Variants in PLEKHH2 observed in about 807,000 individuals in gnomAD.
PLEKHH2 encodes the protein pleckstrin homology, MyTH4 and FERM domain containing H2.
Under a neutral mutation model 187.9 loss-of-function variants are expected in PLEKHH2, and 129 were observed. The ratio of observed to expected loss-of-function variants is 0.69; its 90% CI spans 0.59 to 0.79. PLEKHH2 has a LOEUF of 0.79. PLEKHH2 is among the 30% of genes least tolerant of loss of function. PLEKHH2 has a pLI of 0.00. For missense variants in PLEKHH2, 2,076 were observed against 1,751.2 expected, an observed-to-expected ratio of 1.19 and a Z score of -3.31; for synonymous variants, 686 against 605.6, an observed-to-expected ratio of 1.13 and a Z score of -1.95.
At chr2:43,748,790 C>T (rs1055157036) in intron 24 of PLEKHH2, among the ~76,000 whole-genome samples, 1 of 151,958 alleles carries the variant, frequency 6.6e-6, no homozygotes, top group African/African-American at 2.4e-5. Context: ...GAACTTCACC[C>T]TTGCTGCCCA....
chr2:43,719,914 T>C (rs1378110806), intron 15 of PLEKHH2, among the ~76,000 whole-genome samples: 1 of 152,128 alleles, frequency 6.6e-6, no homozygotes, highest in Non-Finnish European at 1.5e-5. Flanking sequence ...CATTAGAGTG[T>C]TAACCTAGAG....
At chr2:43,683,148 T>TG (rs1668306165) in intron 3 of PLEKHH2, among the ~76,000 whole-genome samples, 1 of 146,162 alleles carries the variant, frequency 6.8e-6, no homozygotes, top group Non-Finnish European at 1.5e-5. Flanking sequence ...TACCCTTTTT[T>TG]TTTTTTTTTT....
intron 16 of PLEKHH2, among the ~76,000 whole-genome samples, chr2:43,725,273 T>A (rs1444201112): frequency 1.3e-5 from 2 of 152,180 alleles, no homozygotes; most frequent in African/African-American, 4.8e-5. Flanking sequence ...TTTGTTGCCA[T>A]CTTCTTGCAG....
chr2:43,643,118 T>A (rs1034489369), intron 1 of PLEKHH2, among the ~76,000 whole-genome samples: 2 of 152,142 alleles, frequency 1.3e-5, no homozygotes, highest in African/African-American at 4.8e-5. Flanking sequence ...CTGCATTATC[T>A]ACTCCTAAAT....
intron 1 of PLEKHH2, among the ~76,000 whole-genome samples, chr2:43,644,418 G>C (rs1666090019): frequency 6.8e-6 from 1 of 146,552 alleles, no homozygotes; most frequent in South Asian, 2.2e-4. Flanking sequence ...GCTAAACTGA[G>C]ACATAGAAAG....
At chr2:43,689,511 G>C (rs1438203220) in intron 3 of PLEKHH2, among the ~76,000 whole-genome samples, 2 of 152,184 alleles carry the variant, frequency 1.3e-5, no homozygotes, top group Non-Finnish European at 2.9e-5. Context: ...TTTCCATATG[G>C]TTGTGGTGAG....
At chr2:43,745,270 C>G (rs977142196) in intron 23 of PLEKHH2, among the ~76,000 whole-genome samples, 1 of 152,086 alleles carries the variant, frequency 6.6e-6, no homozygotes, top group African/African-American at 2.4e-5. Flanking sequence ...GAGCTGAGAT[C>G]GTGCCACTGT....
chr2:43,675,542 G>A (rs915987481), intron 2 of PLEKHH2: 4 of 1,613,862 alleles, frequency 2.5e-6, no homozygotes, highest in African/African-American at 2.7e-5. Context: ...ACTACTTGCT[G>A]AGGGTTATTA....
Position 43,742,911 on chromosome 2 carries a change from T to TATA in PLEKHH2, c.3393_3395dup (p.Ile1131_Tyr1132insTer). The TATA allele has an allele frequency of 6.5e-7, 1 of 1,530,546 alleles. No homozygotes were observed. 94.8% of individuals were successfully genotyped at this position (1,530,546 alleles called of 1,614,324 possible). A position where few individuals can be genotyped will look rare whatever the true frequency, so the allele number is the denominator to read the frequency against. On this transcript the variant is annotated stop_gained and inframe_insertion, in exon 22 of 30. Transcript: ENST00000282406. LOFTEE classifies it high-confidence loss of function. ...ATACCTGTGCACTTCATGAATGGGA[T>TATA]ATACCAGGTAGGTTACCTGATGAAA...
Position 43,766,170 on chromosome 2 carries a change from C to T in PLEKHH2, c.*572C>T, listed in dbSNP as rs946396501. On this transcript the variant is annotated 3_prime_UTR_variant, in exon 30 of 30. Coordinates refer to ENST00000282406, the MANE Select transcript of PLEKHH2 (RefSeq NM_172069.4). ...CTCTATGAATCATTATGTGAGAAAGCAGGATAACATTAGGTAACCTGAGCC... is the reference window on the plus strand; with the variant it reads ...CTCTATGAATCATTATGTGAGAAAGTAGGATAACATTAGGTAACCTGAGCC... 1 of 152,784 alleles carries T rather than the reference C, an allele frequency of 6.5e-6. No homozygotes were observed. The highest frequency in any genetic ancestry group is 2.4e-5 in the African/African-American group (1 of 41,432). 9.5% of individuals were successfully genotyped at this position (152,784 alleles called of 1,614,324 possible). A position where few individuals can be genotyped will look rare whatever the true frequency, so the allele number is the denominator to read the frequency against.
chr2:43,720,773 C>G lies in PLEKHH2; in HGVS notation c.2541+24C>G, dbSNP rs116119494. The G allele has an allele frequency of 6.5e-3, 10,299 of 1,585,068 alleles. 59 individuals are homozygous for G. Among genetic ancestry groups the G allele is most frequent in the Middle Eastern group, 0.014 (80 of 5,794 alleles). On this transcript the variant is annotated intron_variant, in intron 16 of 29. Transcript: ENST00000282406. ...AGGTATGTATGTATTTTTAATATGC[C>G]AATTGAAGTAACTTTTTGTGTGTTA...
chr2:43,703,552 G>T (rs1218665083), intron 8 of PLEKHH2, among the ~76,000 whole-genome samples: 1 of 152,094 alleles, frequency 6.6e-6, no homozygotes, highest in African/African-American at 2.4e-5. Flanking sequence ...TATTAAAAGT[G>T]GTGTTTATGT....
rs760709997 is a variant in PLEKHH2 at position 43,731,506 on chromosome 2, A to T, written c.2847A>T (p.Arg949Ser). 1 of 1,596,836 alleles carries T rather than the reference A, an allele frequency of 6.3e-7. No homozygotes were observed. The change falls in exon 19 of 30, where the codon AGA becomes AGT. Residue 949 changes from arginine (R) to serine (S), a missense_variant. Physicochemically the swap from Arg to Ser is moderately radical, Grantham distance 110. Transcript: ENST00000282406. ...TGCATTTAGCCTCTCAGATATGGAG[A>T]CACCCCACTTTGTGTCACAGTAAAG... ...IDGEPSSQIW[R>S]HPTLCHSKEG...
Position 43,720,705 on chromosome 2 carries a change from C to G in PLEKHH2, c.2497C>G (p.Leu833Val). 2 of 1,608,956 alleles carry G rather than the reference C, an allele frequency of 1.2e-6. No individual in the cohort carries two copies. Among genetic ancestry groups the G allele is most frequent in the Non-Finnish European group, 8.5e-7 (1 of 1,178,436 alleles). Residue 833 changes from leucine (L) to valine (V), a missense_variant, in exon 16 of 30, where the codon CTA becomes GTA. Coordinates refer to ENST00000282406, the MANE Select transcript of PLEKHH2 (RefSeq NM_172069.4). ...ATATTCCAAGAGAGTCTGGTGTACA[C>G]TAATAGGAAAGACATTATATTATTT... ...HGYSKRVWCT[L>V]IGKTLYYFRS...
chr2:43,648,970 A>T (rs565234745), intron 2 of PLEKHH2, among the ~76,000 whole-genome samples: 1 of 152,352 alleles, frequency 6.6e-6, no homozygotes, highest in South Asian at 2.1e-4. Context: ...ATAATTAGAG[A>T]TGAATTTCAA....
At chr2:43,693,120 A>G (rs1668897151) in intron 4 of PLEKHH2, among the ~76,000 whole-genome samples, 1 of 151,704 alleles carries the variant, frequency 6.6e-6, no homozygotes, top group South Asian at 2.1e-4. Flanking sequence ...TTTTAAGAAG[A>G]GAAAGGGTTT....
intron 2 of PLEKHH2, among the ~76,000 whole-genome samples, chr2:43,671,488 A>T (rs1007582152): frequency 1.3e-5 from 2 of 152,128 alleles, no homozygotes; most frequent in African/African-American, 4.8e-5. Context: ...TGGCTATTAC[A>T]TAGGTTAGCA....
chr2:43,732,354 A>C (rs1671084011), intron 19 of PLEKHH2, among the ~76,000 whole-genome samples: 1 of 152,082 alleles, frequency 6.6e-6, no homozygotes, highest in South Asian at 2.1e-4. Flanking sequence ...CAAGAGTGAA[A>C]ATAAGTCTCA....
intron 19 of PLEKHH2, among the ~76,000 whole-genome samples, chr2:43,736,256 G>T (rs1473551372): frequency 6.6e-6 from 1 of 152,170 alleles, no homozygotes; most frequent in Non-Finnish European, 1.5e-5. Flanking sequence ...TTTTATGTGT[G>T]CAAGCAACAA....
Sources: gnomAD v4.1 joint callset for allele counts (sites outside exome capture counted in the v4.1 genomes callset) on GRCh38, gnomAD v4.1.1 for gene constraint, MANE v1.5 for transcripts, NCBI Gene and HGNC (gene_info 2026-07-23, HGNC 2026-07-21) for gene names.